Variants in CSRNP3 observed in about 807,000 individuals in gnomAD.
CSRNP3 encodes the protein cysteine and serine rich nuclear protein 3, also known as cysteine/serine-rich nuclear protein 3.
Under a neutral mutation model 48.0 loss-of-function variants are expected in CSRNP3, and 12 were observed. The observed-to-expected ratio is 0.25, with a 90% CI of 0.16 to 0.41. The LOEUF (loss-of-function observed/expected upper bound fraction) is 0.41, where lower values mean the gene tolerates loss of function less well. Ranked by LOEUF, CSRNP3 falls within the 10% of genes least tolerant of loss-of-function variation. The pLI, the probability that CSRNP3 is intolerant of heterozygous loss-of-function variation, is 1.00. For synonymous variants in CSRNP3, 263 were observed against 269.7 expected (o/e 0.98, Z 0.24); for missense variants, 580 against 724.4 (o/e 0.80, Z 2.29).
Position 165,681,910 on chromosome 2 carries a change from T to G in CSRNP3, c.*2157T>G, listed in dbSNP as rs1687554946. On this transcript the variant is annotated 3_prime_UTR_variant, in exon 7 of 7. Transcript: ENST00000651982. ...CAAAATTTTCCCCCTACTGATACAA[T>G]CTAAAGAGCACAGGCCCAAAGAGAA... is the stretch of plus-strand genomic sequence containing the variant. 6.6e-6 allele frequency: 1 copy of G among 150,730 alleles called. No homozygotes were observed. The highest frequency in any genetic ancestry group is 1.5e-5 in the Non-Finnish European group (1 of 67,766). 9.3% of individuals were successfully genotyped at this position (150,730 alleles called of 1,614,324 possible).
At chr2:165,502,266 A>G (rs1353536458) in intron 2 of CSRNP3, among the ~76,000 whole-genome samples, 5 of 152,040 alleles carry the variant, frequency 3.3e-5, no homozygotes, top group Non-Finnish European at 7.4e-5. Context: ...AATTATATTA[A>G]TTTCATCAAT....
intron 5 of CSRNP3, among the ~76,000 whole-genome samples, chr2:165,671,258 GA>G (rs1229998001): frequency 2.0e-5 from 3 of 152,058 alleles, no homozygotes; most frequent in South Asian, 4.1e-4. Flanking sequence ...ATTTGAGATA[GA>G]AAAAAAGATT....
intron 4 of CSRNP3, among the ~76,000 whole-genome samples, chr2:165,606,075 A>C (rs1293160855): frequency 2.0e-5 from 3 of 152,050 alleles, no homozygotes; most frequent in Admixed American, 6.5e-5. Context: ...CATGCCATAT[A>C]TGAAAATAAA....
chr2:165,474,304 A>G (rs1055187396), intron 1 of CSRNP3, among the ~76,000 whole-genome samples: 26 of 152,072 alleles, frequency 1.7e-4, no homozygotes, highest in African/African-American at 5.5e-4. Flanking sequence ...CACAGGCAAG[A>G]TTATAGTGTA....
chr2:165,554,971 G>A (rs1685143174), intron 3 of CSRNP3, among the ~76,000 whole-genome samples: 1 of 152,004 alleles, frequency 6.6e-6, no homozygotes, highest in African/African-American at 2.4e-5. Flanking sequence ...CCAACACTCT[G>A]GCATCCTTGT....
At chr2:165,482,371 C>G (rs1011974621) in intron 1 of CSRNP3, among the ~76,000 whole-genome samples, 18 of 151,534 alleles carry the variant, frequency 1.2e-4, no homozygotes, top group Admixed American at 7.9e-4. Context: ...CCAAGCGATT[C>G]TTGTGCCTCA....
chr2:165,565,756 G>T (rs1558936029), intron 3 of CSRNP3, among the ~76,000 whole-genome samples: 1 of 151,958 alleles, frequency 6.6e-6, no homozygotes, highest in Non-Finnish European at 1.5e-5. Flanking sequence ...TTTATTTCTT[G>T]TATTTATTCA....
intron 3 of CSRNP3, among the ~76,000 whole-genome samples, chr2:165,542,478 T>C (rs921613518): frequency 6.6e-6 from 1 of 152,168 alleles, no homozygotes; most frequent in Admixed American, 6.6e-5. Flanking sequence ...CAATTCATAA[T>C]ATAATGTAAA....
At chr2:165,551,283 C>T (rs1412902431) in intron 3 of CSRNP3, among the ~76,000 whole-genome samples, 1 of 152,178 alleles carries the variant, frequency 6.6e-6, no homozygotes, top group African/African-American at 2.4e-5. Flanking sequence ...AATGTTGAAA[C>T]AGACACTGGA....
chr2:165,677,014 G>C (rs1687436862), intron 6 of CSRNP3, among the ~76,000 whole-genome samples: 1 of 152,130 alleles, frequency 6.6e-6, no homozygotes, highest in East Asian at 1.9e-4. Flanking sequence ...AAAGGTGGTT[G>C]GATTAGTGGA....
chr2:165,495,053 G>A (rs2105460852), intron 2 of CSRNP3, 125 bp downstream of exon 2: 1 of 152,476 alleles, frequency 6.6e-6, no homozygotes, highest in East Asian at 1.9e-4. Context: ...CAAAATATTT[G>A]TAAAACATGA....
At chr2:165,621,598 A>G (rs1686341146) in intron 4 of CSRNP3, among the ~76,000 whole-genome samples, 1 of 152,206 alleles carries the variant, frequency 6.6e-6, no homozygotes, top group Admixed American at 6.5e-5. Context: ...CTTACAGAGA[A>G]GAGTATGTTT....
rs560213567 is a variant in CSRNP3 at position 165,624,774 on chromosome 2, C to T, written c.148+29561C>T. ...CCTCTTTCCTTTATTTATTCTTTCA[C>T]TTCAGCAGTCTCAGCTGGCATGCAT... On this transcript the variant is annotated intron_variant, in intron 4 of 6. Transcript: ENST00000651982. Among the ~76,000 whole-genome samples, 13 of 152,316 alleles carry T rather than the reference C, an allele frequency of 8.5e-5. No homozygotes were observed. In the East Asian group the frequency reaches 2.5e-3, roughly 29 times the overall value.
intron 5 of CSRNP3, 55 bp from the exon 6 acceptor site, chr2:165,676,257 C>G: frequency 7.3e-7 from 1 of 1,367,070 alleles, no homozygotes; most frequent in Non-Finnish European, 1.0e-6. Context: ...TACAAACATA[C>G]AGATTTTGTA....
chr2:165,579,874 A>G (rs551891938), intron 3 of CSRNP3, among the ~76,000 whole-genome samples: 1 of 151,324 alleles, frequency 6.6e-6, no homozygotes, highest in Non-Finnish European at 1.5e-5. Context: ...TGGTAAATAT[A>G]CATTAGTAAC....
At position 165,678,919 on chromosome 2, in the gene CSRNP3, C is replaced by T. The variant is rs374243372; in HGVS notation, c.924C>T (p.Ser308=). The part of the protein sequence containing the change: ...HSSSMGPVAH[S]VEYSIADSFE... The stretch of plus-strand genomic sequence containing the variant: ...GTTCTATGGGCCCTGTCGCTCACTC[C>T]GTAGAATATTCAATCGCAGACAGTT... The change falls in exon 7 of 7, where the codon TCC becomes TCT. Residue 308 remains serine (S), a synonymous_variant. Coordinates refer to ENST00000651982, the MANE Select transcript of CSRNP3 (RefSeq NM_001172173.2). 4.9e-5 allele frequency: 79 copies of T among 1,613,988 alleles called. No individual in the cohort carries two copies. The highest frequency in any genetic ancestry group is 6.7e-5 in the East Asian group (3 of 44,826).
chr2:165,673,817 T>G (rs1357389260), intron 5 of CSRNP3, among the ~76,000 whole-genome samples: 1 of 152,052 alleles, frequency 6.6e-6, no homozygotes, highest in Non-Finnish European at 1.5e-5. Context: ...GGTCAGGAGT[T>G]CGAGACCAGC....
At chr2:165,641,540 C>T (rs1686721680) in intron 4 of CSRNP3, among the ~76,000 whole-genome samples, 1 of 151,996 alleles carries the variant, frequency 6.6e-6, no homozygotes, top group South Asian at 2.1e-4. Flanking sequence ...GCAAGTCTAC[C>T]TTAAAAGAAT....
intron 3 of CSRNP3, among the ~76,000 whole-genome samples, chr2:165,593,254 A>T (rs1480095203): frequency 7.2e-5 from 11 of 152,206 alleles, no homozygotes; most frequent in Admixed American, 7.2e-4. Context: ...GGTTTATGTG[A>T]CTATCTAGGG....
Sources: gnomAD v4.1 joint callset for allele counts (sites outside exome capture counted in the v4.1 genomes callset) on GRCh38, gnomAD v4.1.1 for gene constraint, MANE v1.5 for transcripts, NCBI Gene and HGNC (gene_info 2026-07-23, HGNC 2026-07-21) for gene names.